The following PIEZO1 variants were observed in gnomAD, a reference collection of about 807,000 sequenced individuals.
PIEZO1 encodes the protein piezo-type mechanosensitive ion channel component 1.
PIEZO1 carries 296 observed loss-of-function variants against 297.2 expected under a neutral mutation model. That is an observed-to-expected ratio of 1.00 (90% CI 0.91 to 1.10). The LOEUF (loss-of-function observed/expected upper bound fraction) is 1.10. Ranked by LOEUF, PIEZO1 falls within the 50% of genes least tolerant of loss-of-function variation. PIEZO1 has a pLI of 0.00. For synonymous variants in PIEZO1, 2,427 were observed against 1,507.5 expected (o/e 1.61, Z -14.13); for missense variants, 5,018 against 3,455.5 (o/e 1.45, Z -11.34).
intron 43 of PIEZO1, 30 bp from the exon 44 acceptor site, chr16:88,719,751 G>T (rs1219364090): frequency 1.3e-6 from 2 of 1,550,196 alleles, no homozygotes; most frequent in African/African-American, 2.7e-5. Flanking sequence ...CCGTCAGGTG[G>T]GCTCCCTCAT....
At chr16:88,727,739 G>A (rs1282953973) in intron 22 of PIEZO1, 78 bp from the exon 23 acceptor site, 21 of 649,550 alleles carry the variant, frequency 3.2e-5, no homozygotes, top group Admixed American at 3.4e-5. Context: ...CCGTTGACCC[G>A]AGTCTATCAC....
intron 39 of PIEZO1, 31 bp from the exon 40 acceptor site, chr16:88,720,779 C>T (rs531496797): frequency 4.8e-6 from 7 of 1,455,504 alleles, no homozygotes; most frequent in Non-Finnish European, 5.4e-6. Context: ...CTGCCTGGGC[C>T]CCCTGGGGAC....
intron 1 of PIEZO1, among the ~76,000 whole-genome samples, chr16:88,779,721 A>AG (rs1364058072): frequency 1.3e-5 from 2 of 152,212 alleles, no homozygotes; most frequent in Non-Finnish European, 2.9e-5. Flanking sequence ...ACAGGTCCCA[A>AG]GGAGCCTCTG....
At chr16:88,726,988 C>G (rs943972476) in intron 24 of PIEZO1, 30 bp from the exon 25 acceptor site, 25 of 1,549,066 alleles carry the variant, frequency 1.6e-5, no homozygotes, top group Non-Finnish European at 1.8e-5. Flanking sequence ...GGGCGGGCGC[C>G]CCGGCCACCC....
chr16:88,721,646 G>C lies in PIEZO1; in HGVS notation c.5295C>G (p.Asn1765Lys), dbSNP rs191843423. 36 of 1,550,158 alleles carry C rather than the reference G, an allele frequency of 2.3e-5. No individual in the cohort carries two copies. Among genetic ancestry groups the C allele is most frequent in the Middle Eastern group, 1.7e-4 (1 of 5,984 alleles). The change falls in exon 38 of 51, where the codon AAC becomes AAG. Residue 1765 changes from asparagine to lysine, a missense_variant. Asn to Lys is a moderately conservative substitution (Grantham distance 94). Coordinates refer to ENST00000301015, the MANE Select transcript of PIEZO1 (RefSeq NM_001142864.4). The stretch of plus-strand genomic sequence containing the variant: ...GGATGCGGGGCGGGAAGTAGGGCTT[G>C]TTCTCGTAGCGCCGCAGCACCACGT... ...NSHVVLRRYE[N>K]KPYFPPRILG... is the part of the protein sequence containing the mutation.
chr16:88,771,208 AG>A (rs1907410506), intron 1 of PIEZO1, among the ~76,000 whole-genome samples: 1 of 152,210 alleles, frequency 6.6e-6, no homozygotes, highest in African/African-American at 2.4e-5. Context: ...CCAGCCTTGC[AG>A]GAACTCTGCA....
At chr16:88,721,469 C>A in intron 38 of PIEZO1, 39 bp from the exon 39 acceptor site, 1 of 1,539,062 alleles carries the variant, frequency 6.5e-7, no homozygotes, top group South Asian at 1.2e-5. Context: ...GCCTTGCCTC[C>A]CTGGTGGAGA....
In PIEZO1 at chr16:88,733,300, T is replaced by G; in HGVS notation, c.2642A>C (p.Glu881Ala). 2 of 1,547,518 alleles carry G rather than the reference T, an allele frequency of 1.3e-6. No homozygotes were observed. Among genetic ancestry groups the G allele is most frequent in the Admixed American group, 2.0e-5 (1 of 50,960 alleles). ...LYQLKVVNPQ[E>A]YSSNCTEPFP... ...TACCTCGGTGCAGTTGCTGGAATAC[T>G]CCTGGGGGTTGACAACCTTGAGCTG... is the stretch of plus-strand genomic sequence containing the variant. Residue 881 changes from glutamate to alanine, a missense_variant, in exon 19 of 51, where the codon GAG (glutamate) becomes GCG (alanine). By Grantham distance (107) the Glu-to-Ala change is moderately radical (BLOSUM62 -1). Coordinates refer to ENST00000301015, the MANE Select transcript of PIEZO1 (RefSeq NM_001142864.4).
At chr16:88,726,484 G>T in intron 26 of PIEZO1, 29 bp from the exon 27 acceptor site, 5 of 1,548,296 alleles carry the variant, frequency 3.2e-6, no homozygotes, top group Non-Finnish European at 3.5e-6. Context: ...CAAGGGTCAG[G>T]CCCAGGGCCC....
chr16:88,742,347 A>T lies in PIEZO1; in HGVS notation c.236T>A (p.Ile79Asn). ...CAGGCGGGGCACAATATGCAGGCAG[A>T]TCTGGAGGGCGAGATGGGCCACCAG... ...LFLVAHLALQICLHIVPRLDQ... is the reference protein window; with the variant it reads ...LFLVAHLALQNCLHIVPRLDQ... Residue 79 changes from isoleucine to asparagine, a missense_variant, in exon 3 of 51, where the codon ATC (isoleucine) becomes AAC (asparagine). By Grantham distance (149) the Ile-to-Asn change is moderately radical. Transcript: ENST00000301015. The T allele has an allele frequency of 6.5e-7, 1 of 1,535,490 alleles. No individual in the cohort carries two copies. Among genetic ancestry groups the T allele is most frequent in the Non-Finnish European group, 8.7e-7 (1 of 1,146,646 alleles).
In PIEZO1 at chr16:88,749,101, G is replaced by A. The variant is rs551342745; in HGVS notation, c.160+283C>T. 3.0e-4 allele frequency among the ~76,000 whole-genome samples: 46 copies of A among 151,952 alleles called. 1 individual carries two copies. Among genetic ancestry groups the A allele is most frequent in the South Asian group, 1.9e-3 (9 of 4,798 alleles). On this transcript the variant is annotated intron_variant, in intron 2 of 50. Transcript: ENST00000301015. ...AAATACAAAAAAAAATAAGCCAGGC[G>A]TGGTGGCGGGCGCCTGTAGTCCCAG...
At chr16:88,763,402 G>T (rs148018905) in intron 1 of PIEZO1, among the ~76,000 whole-genome samples, 4 of 152,204 alleles carry the variant, frequency 2.6e-5, no homozygotes, top group Non-Finnish European at 5.9e-5. Flanking sequence ...CAGTGGGCCA[G>T]GTATGGTGAC....
At chr16:88,737,460 G>A (rs1182756404) in intron 10 of PIEZO1, 99 bp downstream of exon 10, 3 of 788,910 alleles carry the variant, frequency 3.8e-6, no homozygotes, top group South Asian at 1.8e-5. Context: ...CAGAGGTGCG[G>A]CGCGAGCATG....
intron 19 of PIEZO1, 186 bp from the exon 20 acceptor site, chr16:88,732,918 C>G (rs990069722): frequency 3.2e-6 from 2 of 624,646 alleles, no homozygotes; most frequent in Admixed American, 3.0e-5. Flanking sequence ...AGGGAGACCA[C>G]GGGCAGGGGC....
At chr16:88,724,591 G>A (rs891427320) in intron 30 of PIEZO1, among the ~76,000 whole-genome samples, 2 of 151,864 alleles carry the variant, frequency 1.3e-5, no homozygotes, top group Admixed American at 6.6e-5. Context: ...TTACTTGGGA[G>A]GCTGAGGCAG....
intron 23 of PIEZO1, 72 bp downstream of exon 23, chr16:88,727,485 G>C (rs1185627961): frequency 4.4e-6 from 3 of 680,128 alleles, no homozygotes; most frequent in African/African-American, 3.6e-5. Flanking sequence ...GTGCACACTT[G>C]TGAGCAGATT....
At chr16:88,759,908 G>A (rs1906848426) in intron 1 of PIEZO1, among the ~76,000 whole-genome samples, 1 of 152,148 alleles carries the variant, frequency 6.6e-6, no homozygotes, top group Admixed American at 6.5e-5. Context: ...GGGACCTGGG[G>A]GGCTCCCCCA....
rs1028586435 is a variant in PIEZO1 at position 88,741,343 on chromosome 16, C to T, written c.465+135G>A. ...GGCCCCGGGGTGGGATTTGGAACTT[C>T]CTCCTCTCTTTAACACCAACTTACA... On this transcript the variant is annotated intron_variant, in intron 5 of 50. Coordinates refer to ENST00000301015, the MANE Select transcript of PIEZO1 (RefSeq NM_001142864.4). 1.5e-5 allele frequency: 12 copies of T among 818,124 alleles called. No individual in the cohort carries two copies. The African/African-American group carries it at 1.6e-4, about 11-fold the overall frequency. The allele number at this position is 818,124 out of a possible 1,614,324, so 50.7% of individuals were successfully genotyped here. A position where few individuals can be genotyped will look rare whatever the true frequency, so the allele number is the denominator to read the frequency against.
intron 22 of PIEZO1, 195 bp downstream of exon 22, chr16:88,731,511 G>A (rs1458176219): frequency 5.1e-6 from 3 of 587,756 alleles, no homozygotes; most frequent in Non-Finnish European, 9.1e-6. Flanking sequence ...AGAGCCTGGA[G>A]GGGGCCAGGC....
Sources: gnomAD v4.1 joint callset for allele counts (sites outside exome capture counted in the v4.1 genomes callset) on GRCh38, gnomAD v4.1.1 for gene constraint, MANE v1.5 for transcripts, NCBI Gene and HGNC (gene_info 2026-07-23, HGNC 2026-07-21) for gene names.